Variants in LTBP1 observed in about 807,000 individuals in gnomAD.
LTBP1 encodes latent transforming growth factor beta binding protein 1, also known as latent-transforming growth factor beta-binding protein 1.
In LTBP1, 129 loss-of-function variants were observed where a neutral mutation model predicts 207.6. The ratio of observed to expected loss-of-function variants is 0.62; its 90% CI spans 0.54 to 0.72. LTBP1 has a LOEUF of 0.72. Among genes scored for constraint, LTBP1 ranks in the 30% least tolerant of loss-of-function variants. The pLI, the probability that LTBP1 is intolerant of heterozygous loss-of-function variation, is 0.00. For missense variants in LTBP1, 2,281 were observed against 2,217.2 expected (o/e 1.03, Z -0.58); for synonymous variants, 963 against 833.7 (o/e 1.16, Z -2.67).
chr2:33,070,800 GA>G (rs1291006421), intron 3 of LTBP1, among the ~76,000 whole-genome samples: 2 of 152,184 alleles, frequency 1.3e-5, no homozygotes, highest in Non-Finnish European at 2.9e-5. Context: ...CCCCAGTAGA[GA>G]AGGCACTGTG....
chr2:33,331,800 T>C (rs932103003), intron 24 of LTBP1, among the ~76,000 whole-genome samples: 2 of 152,174 alleles, frequency 1.3e-5, no homozygotes, highest in Non-Finnish European at 2.9e-5. Context: ...ACTACATGTA[T>C]GTAAGAAAAC....
intron 31 of LTBP1, among the ~76,000 whole-genome samples, chr2:33,369,545 G>A (rs2095042276): frequency 6.7e-6 from 1 of 148,844 alleles, no homozygotes; most frequent in South Asian, 2.1e-4. Context: ...AGGAATTAGG[G>A]AGGTAGCCCC....
chr2:33,222,891 A>G (rs1432624929), intron 9 of LTBP1, among the ~76,000 whole-genome samples: 3 of 152,204 alleles, frequency 2.0e-5, no homozygotes, highest in Non-Finnish European at 2.9e-5. Context: ...GGGAAGACCA[A>G]TGCTTCTAAT....
chr2:33,152,836 G>C (rs746783436), intron 5 of LTBP1, among the ~76,000 whole-genome samples: 3 of 152,274 alleles, frequency 2.0e-5, no homozygotes, highest in African/African-American at 7.2e-5. Context: ...CATTTAACAA[G>C]CTAAATACTT....
intron 24 of LTBP1, among the ~76,000 whole-genome samples, chr2:33,336,324 T>G (rs965985120): frequency 6.6e-6 from 1 of 152,160 alleles, no homozygotes; most frequent in Admixed American, 6.5e-5. Flanking sequence ...TGGTGACAGG[T>G]AAGAGAATGT....
intron 22 of LTBP1, among the ~76,000 whole-genome samples, chr2:33,302,851 T>C (rs2094010743): frequency 6.6e-6 from 1 of 151,662 alleles, no homozygotes; most frequent in Non-Finnish European, 1.5e-5. Flanking sequence ...TCACCTGAGG[T>C]CAGGAGGTCA....
At chr2:33,182,201 C>A (rs2086709896) in intron 5 of LTBP1, among the ~76,000 whole-genome samples, 1 of 152,058 alleles carries the variant, frequency 6.6e-6, no homozygotes, top group South Asian at 2.1e-4. Flanking sequence ...GGGATTATTG[C>A]TGTATCCACG....
intron 5 of LTBP1, among the ~76,000 whole-genome samples, chr2:33,164,673 G>A (rs143060791): frequency 6.6e-5 from 10 of 152,240 alleles, no homozygotes; most frequent in South Asian, 2.1e-4. Context: ...TAATTGATCC[G>A]TGTATAAACC....
chr2:32,952,688 A>G (rs1677346365), intron 2 of LTBP1, among the ~76,000 whole-genome samples: 1 of 151,662 alleles, frequency 6.6e-6, no homozygotes, highest in Admixed American at 6.6e-5. Flanking sequence ...CATGCCCTGC[A>G]TTGGTTCTGC....
chr2:32,960,409 ATG>A (rs1163151310), intron 2 of LTBP1, among the ~76,000 whole-genome samples: 1 of 152,010 alleles, frequency 6.6e-6, no homozygotes, highest in African/African-American at 2.4e-5. Context: ...GAATGAATGA[ATG>A]AATGAATGAA....
At chr2:33,103,156 A>G (rs114017461) in intron 3 of LTBP1, among the ~76,000 whole-genome samples, 87 of 151,942 alleles carry the variant, frequency 5.7e-4, no homozygotes, top group African/African-American at 2.0e-3. Flanking sequence ...TGTTGTATAC[A>G]CAGTCTGTAT....
chr2:33,216,813 G>A (rs1023541228), intron 7 of LTBP1, among the ~76,000 whole-genome samples: 10 of 152,174 alleles, frequency 6.6e-5, no homozygotes, highest in Admixed American at 2.6e-4. Context: ...TCAGGCCCCT[G>A]CCTCTCAGCT....
At chr2:33,301,486 C>G (rs1431834803) in intron 21 of LTBP1, 36 bp from the exon 22 acceptor site, 1 of 1,533,554 alleles carries the variant, frequency 6.5e-7, no homozygotes. Context: ...TTTGAAGCAC[C>G]ACTTCCACAG....
intron 5 of LTBP1, among the ~76,000 whole-genome samples, chr2:33,146,410 G>A (rs1305117094): frequency 1.3e-5 from 2 of 152,164 alleles, no homozygotes; most frequent in Non-Finnish European, 2.9e-5. Context: ...CACAGACATA[G>A]CCCAGGCAGA....
chr2:33,240,795 C>T (rs1045461066), intron 9 of LTBP1, among the ~76,000 whole-genome samples: 15 of 151,944 alleles, frequency 9.9e-5, no homozygotes, highest in African/African-American at 3.4e-4. Context: ...GGACTGCAGG[C>T]ACCTGCCACC....
At chr2:33,146,929 C>A (rs2083098229) in intron 5 of LTBP1, among the ~76,000 whole-genome samples, 2 of 152,328 alleles carry the variant, frequency 1.3e-5, no homozygotes, top group South Asian at 4.1e-4. Context: ...CAAACTATAT[C>A]ATTACAGAGA....
chr2:33,173,217 C>T (rs943196527), intron 5 of LTBP1, among the ~76,000 whole-genome samples: 7 of 152,000 alleles, frequency 4.6e-5, no homozygotes, highest in African/African-American at 1.7e-4. Context: ...AATCCAGGAA[C>T]TGGTTTTTTG....
In LTBP1 at chr2:33,182,723, CACACACACACACAG is replaced by C. The variant is rs549495265; in HGVS notation, c.1202-4129_1202-4116del. Among the ~76,000 whole-genome samples, 481 of 90,968 alleles carry C rather than the reference CACACACACACACAG, an allele frequency of 5.3e-3. 101 individuals carry two copies. Among genetic ancestry groups the C allele is most frequent in the African/African-American group, 0.019 (415 of 21,446 alleles). The allele number at this position is 90,968 out of a possible 152,430, so 59.7% of individuals were successfully genotyped here. A position where few individuals can be genotyped will look rare whatever the true frequency, so the allele number is the denominator to read the frequency against. Reference sequence around the variant, plus strand: ...ATACACACACACACACACACACACACACACACACACACAGACATATATATGTATGTATGTGTACA... The same window carrying C: ...ATACACACACACACACACACACACACACATATATATGTATGTATGTGTACA... On this transcript the variant is annotated intron_variant, in intron 5 of 33. Coordinates refer to ENST00000404816, the MANE Select transcript of LTBP1 (RefSeq NM_206943.4).
At chr2:33,038,049 G>A (rs753702619) in intron 3 of LTBP1, among the ~76,000 whole-genome samples, 7 of 152,232 alleles carry the variant, frequency 4.6e-5, no homozygotes, top group Non-Finnish European at 1.0e-4. Context: ...GATTCCTACA[G>A]AGGAGAGCAC....
Sources: gnomAD v4.1 joint callset for allele counts (sites outside exome capture counted in the v4.1 genomes callset) on GRCh38, gnomAD v4.1.1 for gene constraint, MANE v1.5 for transcripts, NCBI Gene and HGNC (gene_info 2026-07-23, HGNC 2026-07-21) for gene names.